PKD1L1: variants seen among roughly 807,000 people sequenced by gnomAD.
PKD1L1 encodes the protein polycystin-1-like protein 1.
PKD1L1 carries 236 observed loss-of-function variants against 323.4 expected under a neutral mutation model. The observed-to-expected ratio is 0.73, with a 90% CI of 0.66 to 0.81. The LOEUF is 0.81. Among genes scored for constraint, PKD1L1 ranks in the 40% least tolerant of loss-of-function variants. The pLI, the probability that PKD1L1 is intolerant of heterozygous loss-of-function variation, is 0.00. For missense variants in PKD1L1, 3,320 were observed against 3,508.0 expected (o/e 0.95, Z 1.35); for synonymous variants, 1,344 against 1,335.0 (o/e 1.01, Z -0.15).
intron 54 of PKD1L1, 101 bp from the exon 55 acceptor site, chr7:47,796,251 T>C: frequency 1.8e-6 from 2 of 1,117,634 alleles, no homozygotes; most frequent in South Asian, 1.8e-5. Context: ...TATCTGATGA[T>C]GCTACTTTAC....
chr7:47,872,753 G>A (rs1271115115), intron 24 of PKD1L1, among the ~76,000 whole-genome samples: 1 of 152,170 alleles, frequency 6.6e-6, no homozygotes, highest in Non-Finnish European at 1.5e-5. Flanking sequence ...ACAAAATGGT[G>A]CAGCCACTAC....
At chr7:47,903,700 C>G (rs1197101420) in intron 12 of PKD1L1, among the ~76,000 whole-genome samples, 2 of 152,182 alleles carry the variant, frequency 1.3e-5, no homozygotes, top group Admixed American at 6.5e-5. Flanking sequence ...TGACATTTCC[C>G]TACAGCAGCA....
intron 28 of PKD1L1, among the ~76,000 whole-genome samples, chr7:47,856,664 G>C (rs1785911475): frequency 6.6e-6 from 1 of 152,150 alleles, no homozygotes; most frequent in Admixed American, 6.5e-5. Context: ...AGCAGTAAGT[G>C]TTTTTAAGTA....
In PKD1L1 at chr7:47,833,158, A is replaced by T. The variant is rs767072611; in HGVS notation, c.6269T>A (p.Val2090Asp). 2.5e-6 allele frequency: 4 copies of T among 1,612,662 alleles called. No homozygotes were observed. Among genetic ancestry groups the T allele is most frequent in the Non-Finnish European group, 3.4e-6 (4 of 1,179,514 alleles). Residue 2090 changes from valine (V) to aspartate (D), a missense_variant, in exon 41 of 57, where the codon GTT (valine) becomes GAT (aspartate). Physicochemically the swap from Val to Asp is radical, Grantham distance 152. Transcript: ENST00000289672. ...GTACPAPKLQ[V>D]HGADHSRTSL... ...AGTCCTGCTGTGGTCAGCCCCATGA[A>T]CCTGCAGCTTAGGGGCTGGACAAGC...
chr7:47,778,648 A>G (rs1786622961), intron 56 of PKD1L1, among the ~76,000 whole-genome samples: 1 of 150,206 alleles, frequency 6.7e-6, no homozygotes, highest in Non-Finnish European at 1.5e-5. Flanking sequence ...AGATAAGGGC[A>G]ATTGAAATGA....
intron 52 of PKD1L1, among the ~76,000 whole-genome samples, chr7:47,807,231 C>G (rs1025647449): frequency 1.3e-5 from 2 of 151,978 alleles, no homozygotes; most frequent in Non-Finnish European, 1.5e-5. Context: ...TTTCTTTCCT[C>G]TAGCCTAGGG....
chr7:47,902,283 TTCA>T, intron 13 of PKD1L1, 93 bp downstream of exon 13: 1 of 1,487,766 alleles, frequency 6.7e-7, no homozygotes, highest in Non-Finnish European at 9.1e-7. Flanking sequence ...AAAGCCTCGC[TTCA>T]TGCCCCAAAC....
chr7:47,938,077 G>A (rs533006801), intron 3 of PKD1L1, among the ~76,000 whole-genome samples: 24 of 152,286 alleles, frequency 1.6e-4, no homozygotes, highest in African/African-American at 5.5e-4. Flanking sequence ...CCATCCCTCA[G>A]ACTGAGGGCC....
chr7:47,951,786 A>G (rs1354164275), upstream of PKD1L1, among the ~76,000 whole-genome samples: 1 of 152,246 alleles, frequency 6.6e-6, no homozygotes, highest in Non-Finnish European at 1.5e-5. Flanking sequence ...ATATACAAGG[A>G]AAAATAACAC....
At chr7:47,830,693 T>A (rs898035179) in intron 42 of PKD1L1, among the ~76,000 whole-genome samples, 1 of 152,194 alleles carries the variant, frequency 6.6e-6, no homozygotes, top group Non-Finnish European at 1.5e-5. Context: ...GCTTTGAGGC[T>A]ACTCTTTGTG....
chr7:47,932,686 G>A lies in PKD1L1; in HGVS notation c.399-630C>T, dbSNP rs567220357. ...GTGAGGCACAGCAGGTTCCTTTCTCGGCGGCGGCTCCAGGCCCCACCTCTG... is the reference window on the plus strand; with the variant it reads ...GTGAGGCACAGCAGGTTCCTTTCTCAGCGGCGGCTCCAGGCCCCACCTCTG... On this transcript the variant is annotated intron_variant, in intron 4 of 56. Transcript: ENST00000289672. Among the ~76,000 whole-genome samples the A allele has an allele frequency of 2.6e-5, 4 of 152,278 alleles. No homozygotes were observed. In the East Asian group the frequency reaches 7.7e-4, roughly 29 times the overall value.
chr7:47,813,299 G>A lies in PKD1L1; in HGVS notation c.7174-6C>T. ...GCTGAAAATGGCCTGGGAGGCTGCA[G>A]AACAAACCAGCAGTCAGAAGACACA... On this transcript the variant is annotated splice_polypyrimidine_tract_variant and splice_region_variant and intron_variant, in intron 48 of 56. Coordinates refer to ENST00000289672, the MANE Select transcript of PKD1L1 (RefSeq NM_138295.5). 6.2e-7 allele frequency: 1 copy of A among 1,613,914 alleles called. No homozygotes were observed. The highest frequency in any genetic ancestry group is 8.5e-7 in the Non-Finnish European group (1 of 1,179,942).
chr7:47,921,187 CA>C (rs1326223810), intron 7 of PKD1L1, among the ~76,000 whole-genome samples: 17 of 88,070 alleles, frequency 1.9e-4, no homozygotes, highest in Admixed American at 5.8e-4. Context: ...TGAATTCAAA[CA>C]AATAACAATC....
intron 21 of PKD1L1, among the ~76,000 whole-genome samples, chr7:47,880,266 A>T: frequency 4.6e-5 from 3 of 64,934 alleles, no homozygotes; most frequent in Admixed American, 2.1e-4. Context: ...ATATATATAC[A>T]TATATATATA....
At chr7:47,817,967 A>T (rs202210718) in intron 46 of PKD1L1, 10 of 1,118,800 alleles carry the variant, frequency 8.9e-6, no homozygotes, top group Non-Finnish European at 1.2e-5. Flanking sequence ...ATGATCTCTT[A>T]TCCTTTCAAG....
rs138295832 is a variant in PKD1L1, at chr7:47,894,222, C to T, written c.2272-163G>A. ...TAGTCAAAATAACCACTCTACTGTA[C>T]GACATGAGAGCTGTGACTGGAGTCC... On this transcript the variant is annotated intron_variant, in intron 14 of 56. Transcript: ENST00000289672. Among the ~76,000 whole-genome samples, 49 of 152,306 alleles carry T rather than the reference C, an allele frequency of 3.2e-4. 1 individual carries two copies. Among genetic ancestry groups the T allele is most frequent in the African/African-American group, 8.7e-4 (36 of 41,556 alleles).
chr7:47,931,007 C>T, intron 6 of PKD1L1, 97 bp downstream of exon 6: 1 of 1,250,052 alleles, frequency 8.0e-7, no homozygotes, highest in Non-Finnish European at 1.1e-6. Flanking sequence ...TTAAAGCAAA[C>T]AACGAAGATA....
In PKD1L1 at chr7:47,846,897, G is replaced by A. The variant is rs1408547920; in HGVS notation, c.5135C>T (p.Pro1712Leu). 2 of 1,602,382 alleles carry A rather than the reference G, an allele frequency of 1.2e-6. No individual in the cohort carries two copies. The highest frequency in any genetic ancestry group is 1.7e-6 in the Non-Finnish European group (2 of 1,177,114). ...TCTATACCTGCAGTTCACTTTTTCA[G>A]GAGAAGTCCCTGGTTGTGGAGAGAA... ...ERFSPQPGTS[P>L]EKVNCSYHRL... Residue 1712 changes from proline to leucine, a missense_variant, in exon 32 of 57, where the codon CCT becomes CTT. Pro to Leu is a moderately conservative substitution (Grantham distance 98, BLOSUM62 -3). Transcript: ENST00000289672.
chr7:47,830,164 G>A (rs767834896), intron 42 of PKD1L1, 40 bp from the exon 43 acceptor site: 2 of 1,547,484 alleles, frequency 1.3e-6, no homozygotes, highest in Non-Finnish European at 1.8e-6. Flanking sequence ...CCCCTCTAAG[G>A]GAGCAGGCCA....
Sources: allele counts gnomAD v4.1 joint callset (sites outside exome capture counted in the v4.1 genomes callset), GRCh38; gene constraint gnomAD v4.1.1; transcripts MANE v1.5; gene names NCBI Gene and HGNC (gene_info 2026-07-23, HGNC 2026-07-21).